The following SCG3 variants were observed in gnomAD, a reference collection of about 807,000 sequenced individuals.
SCG3 encodes secretogranin III.
In SCG3, 38 loss-of-function variants were observed where a neutral mutation model predicts 56.2. The observed-to-expected ratio is 0.68, with a 90% CI of 0.52 to 0.89. The LOEUF (loss-of-function observed/expected upper bound fraction) is 0.89, where lower values mean the gene tolerates loss of function less well. Ranked by LOEUF, SCG3 falls within the 40% of genes least tolerant of loss-of-function variation. SCG3 has a pLI of 0.00. For synonymous variants in SCG3, 176 were observed against 184.2 expected, an observed-to-expected ratio of 0.96 and a Z score of 0.36; for missense variants, 524 against 540.7, an observed-to-expected ratio of 0.97 and a Z score of 0.31.
At position 51,704,240 on chromosome 15, in the gene SCG3, C is replaced by T. The variant is rs60795861; in HGVS notation, c.1207+2996C>T. ...ATATATATGTGTGTATACATACATA[C>T]ATACATATATATATATATATATATA... On this transcript the variant is annotated intron_variant, in intron 10 of 11. Coordinates refer to ENST00000220478, the MANE Select transcript of SCG3 (RefSeq NM_013243.4). Among the ~76,000 whole-genome samples, 366 of 58,674 alleles carry T rather than the reference C, an allele frequency of 6.2e-3. 2 individuals are homozygous for T. The highest frequency in any genetic ancestry group is 0.023 in the African/African-American group (339 of 14,490). 38.5% of individuals were successfully genotyped at this position (58,674 alleles called of 152,430 possible). A position where few individuals can be genotyped will look rare whatever the true frequency, so the allele number is the denominator to read the frequency against.
In SCG3 at chr15:51,719,651, AGTT is replaced by A; in HGVS notation, c.*126_*128del. ...TATTAGAAAGTGCTGAATTTACAGT[AGTT>A]AACCTTTTACAAGTGGTTAAAACAT... On this transcript the variant is annotated 3_prime_UTR_variant, in exon 12 of 12. Coordinates refer to ENST00000220478, the MANE Select transcript of SCG3 (RefSeq NM_013243.4). 1.6e-6 allele frequency: 1 copy of A among 634,560 alleles called. No individual in the cohort carries two copies. The highest frequency in any genetic ancestry group is 2.7e-6 in the Non-Finnish European group (1 of 368,096). 39.3% of individuals were successfully genotyped at this position (634,560 alleles called of 1,614,324 possible).
chr15:51,717,139 G>A lies in SCG3; in HGVS notation c.1289-2269G>A, dbSNP rs2055461841. ...AATCCCAGCACTTTGGGAGGCCGAGGTGGGTGGATCATGAGGTCAGGAGTT... is the reference window on the plus strand; with the variant it reads ...AATCCCAGCACTTTGGGAGGCCGAGATGGGTGGATCATGAGGTCAGGAGTT... On this transcript the variant is annotated intron_variant, in intron 11 of 11. Coordinates refer to ENST00000220478, the MANE Select transcript of SCG3 (RefSeq NM_013243.4). Among the ~76,000 whole-genome samples the A allele has an allele frequency of 2.6e-5, 4 of 152,172 alleles. No homozygotes were observed. In the South Asian group the frequency reaches 8.3e-4, roughly 32 times the overall value.
intron 11 of SCG3, among the ~76,000 whole-genome samples, chr15:51,715,427 G>A (rs754138131): frequency 1.1e-4 from 17 of 152,160 alleles, no homozygotes; most frequent in Non-Finnish European, 2.2e-4. Flanking sequence ...TATTAGTTCT[G>A]ACCTTTCTTA....
In SCG3 at chr15:51,691,300, T is replaced by C. The variant is rs998513832; in HGVS notation, c.691-859T>C. ...AGCCATGGATGGACTCTGATCTTTA[T>C]TGTAAGAACCATGAGAATTTTCTGG... On this transcript the variant is annotated intron_variant, in intron 6 of 11. Coordinates refer to ENST00000220478, the MANE Select transcript of SCG3 (RefSeq NM_013243.4). 1.1e-4 allele frequency among the ~76,000 whole-genome samples: 16 copies of C among 152,168 alleles called. 1 individual carries two copies. Among genetic ancestry groups the C allele is most frequent in the Admixed American group, 9.8e-4 (15 of 15,280 alleles).
At chr15:51,687,756 TAC>T (rs2055238464) in intron 4 of SCG3, among the ~76,000 whole-genome samples, 1 of 152,226 alleles carries the variant, frequency 6.6e-6, no homozygotes, top group Non-Finnish European at 1.5e-5. Context: ...AAATCTTCAG[TAC>T]ACACTGTCTG....
chr15:51,707,878 T>C (rs1233535391), intron 10 of SCG3: 1 of 152,258 alleles, frequency 6.6e-6, no homozygotes, highest in Non-Finnish European at 1.5e-5. Context: ...TATATCAAAC[T>C]TAGTTTTTAT....
intron 7 of SCG3, among the ~76,000 whole-genome samples, chr15:51,692,738 T>G (rs554167986): frequency 6.6e-6 from 1 of 152,246 alleles, no homozygotes; most frequent in East Asian, 1.9e-4. Context: ...GAGGTATAAT[T>G]GGCAAACAAA....
rs377180499 is a variant in SCG3 at position 51,719,692 on chromosome 15, G to A, written c.*166G>A. On this transcript the variant is annotated 3_prime_UTR_variant, in exon 12 of 12. Coordinates refer to ENST00000220478, the MANE Select transcript of SCG3 (RefSeq NM_013243.4). ...GTGGTTAAAACATAGCTTTCTTCCC[G>A]TAAAAACTATCTGAAAGTAAAGTTG... is the stretch of plus-strand genomic sequence containing the variant. 5.0e-5 allele frequency: 28 copies of A among 558,146 alleles called. No homozygotes were observed. Among genetic ancestry groups the A allele is most frequent in the African/African-American group, 2.7e-4 (14 of 52,702 alleles). 34.6% of individuals were successfully genotyped at this position (558,146 alleles called of 1,614,324 possible).
chr15:51,686,882 CAAGA>C (rs996786311), intron 4 of SCG3, among the ~76,000 whole-genome samples: 20 of 152,224 alleles, frequency 1.3e-4, no homozygotes, highest in African/African-American at 4.8e-4. Context: ...TCTTTCCAAA[CAAGA>C]AAGAGATATT....
intron 3 of SCG3, 24 bp downstream of exon 3, chr15:51,683,148 T>G (rs753137954): frequency 6.2e-7 from 1 of 1,600,908 alleles, no homozygotes; most frequent in Non-Finnish European, 8.5e-7. Flanking sequence ...ATATTGATGT[T>G]AATTTAAATA....
At chr15:51,714,370 G>A (rs1467068546) in intron 11 of SCG3, among the ~76,000 whole-genome samples, 1 of 152,138 alleles carries the variant, frequency 6.6e-6, no homozygotes, top group Non-Finnish European at 1.5e-5. Context: ...AGAGAGATAA[G>A]GAGGTAAGAC....
chr15:51,714,712 C>A (rs1208488513), intron 11 of SCG3, among the ~76,000 whole-genome samples: 1 of 152,208 alleles, frequency 6.6e-6, no homozygotes, highest in Non-Finnish European at 1.5e-5. Flanking sequence ...GCCAAGTTTG[C>A]AAACCGCTGA....
chr15:51,686,012 T>A (rs1567215852), intron 4 of SCG3, among the ~76,000 whole-genome samples: 1 of 152,216 alleles, frequency 6.6e-6, no homozygotes, highest in African/African-American at 2.4e-5. Context: ...ATTGAACAAA[T>A]GAATGTCAAG....
At chr15:51,704,530 A>T (rs1434642679) in intron 10 of SCG3, among the ~76,000 whole-genome samples, 2 of 149,422 alleles carry the variant, frequency 1.3e-5, no homozygotes, top group Admixed American at 6.7e-5. Context: ...TATGGATTTG[A>T]CTTCTATAGT....
chr15:51,682,864 A>G (rs1239731107), intron 2 of SCG3, among the ~76,000 whole-genome samples: 1 of 152,190 alleles, frequency 6.6e-6, no homozygotes, highest in Non-Finnish European at 1.5e-5. Context: ...TTTCTCTTTC[A>G]ACAATATTAT....
intron 6 of SCG3, among the ~76,000 whole-genome samples, chr15:51,691,946 C>T (rs564915395): frequency 1.3e-5 from 2 of 148,832 alleles, no homozygotes; most frequent in Admixed American, 6.6e-5. Flanking sequence ...AGGGGGTTTT[C>T]CCTGAGGTAG....
intron 11 of SCG3, among the ~76,000 whole-genome samples, chr15:51,716,703 A>G (rs1374425176): frequency 6.6e-6 from 1 of 152,180 alleles, no homozygotes; most frequent in East Asian, 1.9e-4. Flanking sequence ...GTTTCTCCCC[A>G]CCACCAAGCA....
chr15:51,697,369 T>C (rs920692791), intron 8 of SCG3, among the ~76,000 whole-genome samples: 1 of 152,248 alleles, frequency 6.6e-6, no homozygotes, highest in Non-Finnish European at 1.5e-5. Flanking sequence ...CAAAGGCTTA[T>C]GTGCAAGGCA....
intron 11 of SCG3, among the ~76,000 whole-genome samples, chr15:51,715,937 G>A (rs1417482626): frequency 3.3e-5 from 5 of 151,596 alleles, no homozygotes; most frequent in South Asian, 2.1e-4. Flanking sequence ...CGCTCACTGC[G>A]AGCTCCGCCT....
Sources: gnomAD v4.1 joint callset for allele counts (sites outside exome capture counted in the v4.1 genomes callset) on GRCh38, gnomAD v4.1.1 for gene constraint, MANE v1.5 for transcripts, NCBI Gene and HGNC (gene_info 2026-07-23, HGNC 2026-07-21) for gene names.